EXT2: variants seen among roughly 807,000 people sequenced by gnomAD.
The protein encoded by EXT2 is exostosin-2.
A neutral mutation model predicts 81.6 loss-of-function variants in EXT2; 53 were observed. The ratio of observed to expected loss-of-function variants is 0.65; its 90% CI spans 0.52 to 0.82. The LOEUF is 0.82. Ranked by LOEUF, EXT2 falls within the 40% of genes least tolerant of loss-of-function variation. The pLI is 0.00. For missense variants in EXT2, 774 were observed against 910.2 expected, an observed-to-expected ratio of 0.85 and a Z score of 1.93; for synonymous variants, 320 against 340.0, an observed-to-expected ratio of 0.94 and a Z score of 0.65.
intron 7 of EXT2, among the ~76,000 whole-genome samples, chr11:44,163,013 A>G (rs1954947698): frequency 6.6e-6 from 1 of 152,182 alleles, no homozygotes; most frequent in African/African-American, 2.4e-5. Flanking sequence ...ATCCCTTTTT[A>G]TGTTAAAGAA....
At chr11:44,096,290 A>G in intron 1 of EXT2, 14 of 1,535,694 alleles carry the variant, frequency 9.1e-6, no homozygotes, top group Non-Finnish European at 1.2e-5. Flanking sequence ...GGCCTGCGGC[A>G]TCCCTTGCGG....
intron 4 of EXT2, among the ~76,000 whole-genome samples, chr11:44,117,038 C>T (rs1168723075): frequency 2.7e-5 from 4 of 149,336 alleles, no homozygotes; most frequent in Non-Finnish European, 5.9e-5. Context: ...GGCGTGATCT[C>T]GGCTCACCAA....
chr11:44,096,719 T>C (rs1290158692), intron 1 of EXT2, among the ~76,000 whole-genome samples: 1 of 152,216 alleles, frequency 6.6e-6, no homozygotes, highest in Non-Finnish European at 1.5e-5. Flanking sequence ...GGGAACCAGA[T>C]CTAAACACAC....
chr11:44,224,972 T>A (rs1955823212), intron 10 of EXT2, among the ~76,000 whole-genome samples: 1 of 152,220 alleles, frequency 6.6e-6, no homozygotes, highest in Non-Finnish European at 1.5e-5. Context: ...ATTTGGCTTA[T>A]GATGACTATT....
At chr11:44,165,490 A>G (rs1265017365) in intron 7 of EXT2, among the ~76,000 whole-genome samples, 1 of 152,220 alleles carries the variant, frequency 6.6e-6, no homozygotes, top group Non-Finnish European at 1.5e-5. Context: ...TTCCTTTCTG[A>G]GTGAATTGCA....
chr11:44,132,894 T>C (rs1230247945), intron 7 of EXT2, among the ~76,000 whole-genome samples: 1 of 152,240 alleles, frequency 6.6e-6, no homozygotes, highest in Non-Finnish European at 1.5e-5. Flanking sequence ...AATGACCTCT[T>C]TTCTTTTCCT....
intron 9 of EXT2, among the ~76,000 whole-genome samples, chr11:44,198,733 G>C (rs1416798288): frequency 6.6e-6 from 1 of 152,214 alleles, no homozygotes; most frequent in African/African-American, 2.4e-5. Flanking sequence ...TGATGGATTA[G>C]AGCAAGGAAT....
intron 8 of EXT2, among the ~76,000 whole-genome samples, chr11:44,178,345 C>T (rs117278174): frequency 6.6e-6 from 1 of 152,338 alleles, no homozygotes; most frequent in East Asian, 1.9e-4. Context: ...ATTTCATTCA[C>T]TGTGAGTGTC....
At chr11:44,192,280 G>A (rs994956909) in intron 8 of EXT2, among the ~76,000 whole-genome samples, 3 of 151,880 alleles carry the variant, frequency 2.0e-5, no homozygotes, top group Non-Finnish European at 4.4e-5. Flanking sequence ...AGGGAGAGGT[G>A]ATTGTGTAGA....
chr11:44,203,773 T>TAAAA (rs5791613), intron 9 of EXT2, among the ~76,000 whole-genome samples: 2 of 151,710 alleles, frequency 1.3e-5, no homozygotes, highest in Non-Finnish European at 2.9e-5. Context: ...GAGCAAGAAG[T>TAAAA]AAAAAAGGCA....
chr11:44,183,594 A>G (rs1022313502), intron 8 of EXT2, among the ~76,000 whole-genome samples: 2 of 151,776 alleles, frequency 1.3e-5, no homozygotes, highest in Non-Finnish European at 2.9e-5. Context: ...TTCTGTCCTT[A>G]CCTTATGTCT....
chr11:44,112,844 C>T (rs1262663448), intron 3 of EXT2, among the ~76,000 whole-genome samples: 2 of 152,156 alleles, frequency 1.3e-5, no homozygotes, highest in Non-Finnish European at 2.9e-5. Context: ...CACATACACA[C>T]CCACTTCTCC....
chr11:44,192,807 T>C (rs1955409483), intron 8 of EXT2, among the ~76,000 whole-genome samples: 1 of 152,124 alleles, frequency 6.6e-6, no homozygotes, highest in African/African-American at 2.4e-5. Flanking sequence ...CTCTATAAAA[T>C]CCTACACTTC....
chr11:44,212,067 C>T (rs766219990), intron 10 of EXT2, among the ~76,000 whole-genome samples: 3 of 152,028 alleles, frequency 2.0e-5, no homozygotes, highest in South Asian at 4.2e-4. Flanking sequence ...AAGCGGATCA[C>T]GAGGTCAGGA....
chr11:44,165,341 A>T (rs1954981320), intron 7 of EXT2, among the ~76,000 whole-genome samples: 1 of 152,230 alleles, frequency 6.6e-6, no homozygotes, highest in Non-Finnish European at 1.5e-5. Flanking sequence ...GGCTATACTA[A>T]GCCCTGGAGG....
chr11:44,184,913 T>C (rs1424664510), intron 8 of EXT2, among the ~76,000 whole-genome samples: 1 of 152,216 alleles, frequency 6.6e-6, no homozygotes, highest in African/African-American at 2.4e-5. Context: ...GATGAATGGC[T>C]CATATTTTGG....
At chr11:44,138,362 T>C (rs1954599338) in intron 7 of EXT2, among the ~76,000 whole-genome samples, 1 of 152,208 alleles carries the variant, frequency 6.6e-6, no homozygotes, top group Non-Finnish European at 1.5e-5. Flanking sequence ...AAGTGACAAG[T>C]AAGCCCTAGA....
At chr11:44,217,589 T>A (rs1955735057) in intron 10 of EXT2, among the ~76,000 whole-genome samples, 1 of 152,220 alleles carries the variant, frequency 6.6e-6, no homozygotes, top group South Asian at 2.1e-4. Flanking sequence ...TGTTTATGTA[T>A]TTTACTAGGA....
chr11:44,160,615 TG>T (rs1954915846), intron 7 of EXT2, among the ~76,000 whole-genome samples: 1 of 152,062 alleles, frequency 6.6e-6, no homozygotes, highest in Admixed American at 6.5e-5. Flanking sequence ...GTGAAAATAG[TG>T]GGTGAGAAGT....
Sources: gnomAD v4.1 joint callset for allele counts (sites outside exome capture counted in the v4.1 genomes callset) on GRCh38, gnomAD v4.1.1 for gene constraint, MANE v1.5 for transcripts, NCBI Gene and HGNC (gene_info 2026-07-23, HGNC 2026-07-21) for gene names.